Variants in MAPK12 observed in about 807,000 individuals in gnomAD.
MAPK12 encodes mitogen-activated protein kinase 12.
A neutral mutation model predicts 49.1 loss-of-function variants in MAPK12; 49 were observed. The ratio of observed to expected loss-of-function variants is 1.00; its 90% CI spans 0.79 to 1.27. The LOEUF is 1.27. Ranked by LOEUF, MAPK12 falls within the 50% of genes most tolerant of loss-of-function variation. MAPK12 has a pLI of 0.00. For missense variants in MAPK12, 554 were observed against 502.4 expected, an observed-to-expected ratio of 1.10 and a Z score of -0.98; for synonymous variants, 251 against 209.7, an observed-to-expected ratio of 1.20 and a Z score of -1.70.
intron 11 of MAPK12, 22 bp from the exon 12 acceptor site, chr22:50,253,502 G>GGGGGGGGGGCCCCCCCCCCCCCCCCC: frequency 5.8e-6 from 1 of 171,682 alleles, no homozygotes; most frequent in Non-Finnish European, 1.1e-5. Flanking sequence ...GGGGGGGCGG[G>GGGGGGGGGGCCCCCCCCCCCCCCCCC]CACAACAGAG....
In MAPK12 at chr22:50,257,624, T is replaced by C. The variant is rs146433111; in HGVS notation, c.315-431A>G. On this transcript the variant is annotated intron_variant, in intron 3 of 11. Coordinates refer to ENST00000215659, the MANE Select transcript of MAPK12 (RefSeq NM_002969.6). ...AAATGAGGGAGGTGCCTGGGGGCGATGGGGGCGCGGCAAGGCATCTGGGTC... is the reference window on the plus strand; with the variant it reads ...AAATGAGGGAGGTGCCTGGGGGCGACGGGGGCGCGGCAAGGCATCTGGGTC... 785 of 561,546 alleles carry C rather than the reference T, an allele frequency of 1.4e-3. 4 individuals carry two copies. Among genetic ancestry groups the C allele is most frequent in the African/African-American group, 0.012 (632 of 53,126 alleles). 34.8% of individuals were successfully genotyped at this position (561,546 alleles called of 1,614,324 possible).
chr22:50,259,058 C>T (rs372339979), intron 2 of MAPK12, among the ~76,000 whole-genome samples: 3 of 152,226 alleles, frequency 2.0e-5, no homozygotes, highest in Non-Finnish European at 4.4e-5. Context: ...GGAAGTTTGG[C>T]TTTGATCCCA....
chr22:50,259,842 C>T (rs940780274), intron 2 of MAPK12, among the ~76,000 whole-genome samples: 10 of 151,658 alleles, frequency 6.6e-5, no homozygotes, highest in Non-Finnish European at 1.3e-4. Context: ...TGAGATCGTG[C>T]CATTGCACTC....
At chr22:50,259,745 G>A (rs1054796516) in intron 2 of MAPK12, among the ~76,000 whole-genome samples, 11 of 151,948 alleles carry the variant, frequency 7.2e-5, no homozygotes. Context: ...TTAGCCAGGC[G>A]TGGTGGCGCG....
intron 2 of MAPK12, among the ~76,000 whole-genome samples, chr22:50,259,319 G>T: frequency 6.6e-6 from 1 of 152,220 alleles, no homozygotes; most frequent in Non-Finnish European, 1.5e-5. Flanking sequence ...AGCAGAAGAC[G>T]GAGAGCAGGG....
chr22:50,258,381 G>A (rs779692838), intron 2 of MAPK12, 80 bp from the exon 3 acceptor site: 1 of 1,193,300 alleles, frequency 8.4e-7, no homozygotes, highest in African/African-American at 1.5e-5. Flanking sequence ...AACCCTCTGG[G>A]CAGGAAACCC....
Position 50,258,207 on chromosome 22 carries a change from C to G in MAPK12, c.314+36G>C. 2.5e-6 allele frequency: 4 copies of G among 1,608,012 alleles called. No individual in the cohort carries two copies. The South Asian group carries it at 3.3e-5, about 13-fold the overall frequency. The stretch of plus-strand genomic sequence containing the variant: ...CCAGTGCCCAGAGCTGCCCAACACC[C>G]CTCGTGCCCAGCGGCCAGCCCAGGT... On this transcript the variant is annotated intron_variant, in intron 3 of 11. Coordinates refer to ENST00000215659, the MANE Select transcript of MAPK12 (RefSeq NM_002969.6).
At chr22:50,256,721 C>G (rs1256375974) in intron 5 of MAPK12, 75 bp from the exon 6 acceptor site, 2 of 1,545,760 alleles carry the variant, frequency 1.3e-6, no homozygotes, top group Non-Finnish European at 1.7e-6. Context: ...TGGGTGGCAC[C>G]TAAAGATGGG....
At chr22:50,258,780 G>A (rs1355943191) in intron 2 of MAPK12, among the ~76,000 whole-genome samples, 5 of 152,246 alleles carry the variant, frequency 3.3e-5, no homozygotes, top group Non-Finnish European at 7.3e-5. Flanking sequence ...ATAGACAGTA[G>A]ACAGGTCATG....
chr22:50,260,508 AG>A (rs1429022904), intron 2 of MAPK12, among the ~76,000 whole-genome samples: 4 of 152,270 alleles, frequency 2.6e-5, no homozygotes, highest in Non-Finnish European at 5.9e-5. Flanking sequence ...GGAGAGGCCC[AG>A]GGCAGCTGTA....
chr22:50,257,920 G>A (rs1176256354), intron 3 of MAPK12: 1 of 774,346 alleles, frequency 1.3e-6, no homozygotes, highest in Non-Finnish European at 2.4e-6. Context: ...CACACTTGGT[G>A]CCAGGGTCCC....
At chr22:50,257,896 C>T in intron 3 of MAPK12, 1 of 771,720 alleles carries the variant, frequency 1.3e-6, no homozygotes, top group Non-Finnish European at 2.4e-6. Flanking sequence ...GTCAGCAGCT[C>T]CAGTTACCGG....
In MAPK12 at chr22:50,261,226, G is replaced by A. The variant is rs1422168489; in HGVS notation, c.196C>T (p.Leu66=). ...TCGCGGTAGGCGCGCTTGGCGAACA[G>A]CTCGGACTGGAAAGGCCGATACAGC... ...KKLYRPFQSE[L]FAKRAYRELR... The change falls in exon 2 of 12, where the codon CTG becomes TTG. Residue 66 remains leucine (L), a synonymous_variant. Transcript: ENST00000215659. 6 of 1,587,854 alleles carry A rather than the reference G, an allele frequency of 3.8e-6. No individual in the cohort carries two copies. Among genetic ancestry groups the A allele is most frequent in the Non-Finnish European group, 1.7e-6 (2 of 1,168,648 alleles).
At chr22:50,255,778 G>A (rs376320200) in intron 8 of MAPK12, 32 bp downstream of exon 8, 84 of 1,611,478 alleles carry the variant, frequency 5.2e-5, no homozygotes, top group Admixed American at 2.0e-4. Flanking sequence ...ATCCCCACCC[G>A]CCCCTGGTGC....
At position 50,253,389 on chromosome 22, in the gene MAPK12, G is replaced by A. The variant is rs573188182; in HGVS notation, c.*12C>T. 1.4e-5 allele frequency: 21 copies of A among 1,540,770 alleles called. No homozygotes were observed. In the African/African-American group the frequency reaches 1.7e-4, roughly 12 times the overall value. On this transcript the variant is annotated 3_prime_UTR_variant, in exon 12 of 12. Transcript: ENST00000215659. ...AGGTGGTCCTCACTGCCACCCCGGAGCCCAGAGATCTTCACAGAGGCGTCT... is the reference window on the plus strand; with the variant it reads ...AGGTGGTCCTCACTGCCACCCCGGAACCCAGAGATCTTCACAGAGGCGTCT...
rs773315534 is a variant in MAPK12, at chr22:50,254,956, C to T, written c.1024+241G>A. ...GTCATCTCCACCAGGCCACACGGCCCCATGCTGCCCTGACCTCCCATCCTC... is the reference window on the plus strand; with the variant it reads ...GTCATCTCCACCAGGCCACACGGCCTCATGCTGCCCTGACCTCCCATCCTC... On this transcript the variant is annotated intron_variant, in intron 11 of 11. Transcript: ENST00000215659. 2.2e-4 allele frequency: 315 copies of T among 1,403,502 alleles called. 1 individual carries two copies. The highest frequency in any genetic ancestry group is 2.8e-4 in the Non-Finnish European group (297 of 1,078,496). The allele number at this position is 1,403,502 out of a possible 1,614,324, so 86.9% of individuals were successfully genotyped here.
intron 11 of MAPK12, chr22:50,254,951 C>CGGCCCCAT: frequency 2.2e-6 from 3 of 1,390,244 alleles, no homozygotes; most frequent in Non-Finnish European, 2.8e-6. Flanking sequence ...CCAGGCCACA[C>CGGCCCCAT]GGCCCCATGC....
At chr22:50,256,795 C>T (rs1054617603) in intron 5 of MAPK12, 140 bp downstream of exon 5, 2 of 1,508,154 alleles carry the variant, frequency 1.3e-6, no homozygotes, top group East Asian at 4.7e-5. Context: ...TACCTGGGCA[C>T]CCAGGCAGGT....
intron 11 of MAPK12, 126 bp downstream of exon 11, chr22:50,255,071 C>G (rs745365770): frequency 6.6e-7 from 1 of 1,522,424 alleles, no homozygotes; most frequent in African/African-American, 1.4e-5. Flanking sequence ...AGGCCCTACC[C>G]GGAGCCCCCA....
Sources: allele counts gnomAD v4.1 joint callset (sites outside exome capture counted in the v4.1 genomes callset), GRCh38; gene constraint gnomAD v4.1.1; transcripts MANE v1.5; gene names NCBI Gene and HGNC (gene_info 2026-07-23, HGNC 2026-07-21).